STRN: variants seen among roughly 807,000 people sequenced by gnomAD.
STRN encodes protein phosphatase 2 regulatory subunit B'''alpha.
Under a neutral mutation model 96.3 loss-of-function variants are expected in STRN, and 53 were observed. That is an observed-to-expected ratio of 0.55 (90% CI 0.44 to 0.69). The LOEUF (loss-of-function observed/expected upper bound fraction) is 0.69. Ranked by LOEUF, STRN falls within the 30% of genes least tolerant of loss-of-function variation. The pLI is 0.00. For synonymous variants in STRN, 428 were observed against 355.9 expected (o/e 1.20, Z -2.28); for missense variants, 987 against 963.9 (o/e 1.02, Z -0.32).
chr2:36,920,197 A>C (rs1670214277), intron 2 of STRN, among the ~76,000 whole-genome samples: 1 of 152,234 alleles, frequency 6.6e-6, no homozygotes, highest in East Asian at 1.9e-4. Context: ...TTTCTCTATG[A>C]GTATATTTCA....
intron 12 of STRN, among the ~76,000 whole-genome samples, chr2:36,863,161 A>G (rs1668536438): frequency 1.3e-5 from 2 of 151,592 alleles, no homozygotes; most frequent in Admixed American, 6.6e-5. Flanking sequence ...TGTGTGCAGA[A>G]GCTCTTCAGT....
chr2:36,913,941 G>A (rs926100847), intron 3 of STRN, among the ~76,000 whole-genome samples: 4 of 152,094 alleles, frequency 2.6e-5, no homozygotes, highest in Non-Finnish European at 5.9e-5. Context: ...TGCTTTTAAA[G>A]CGCAAGCCCC....
chr2:36,938,007 C>T (rs1314805031), intron 1 of STRN, among the ~76,000 whole-genome samples: 1 of 152,088 alleles, frequency 6.6e-6, no homozygotes, highest in Non-Finnish European at 1.5e-5. Flanking sequence ...AGGCCATGAA[C>T]ATGGCAATGA....
At chr2:36,957,748 T>C (rs1415576114) in intron 1 of STRN, among the ~76,000 whole-genome samples, 1 of 75,850 alleles carries the variant, frequency 1.3e-5, no homozygotes, top group Non-Finnish European at 2.6e-5. Context: ...TTTTGTCTTT[T>C]TTTTTTTTTT....
rs977839391 is a variant in STRN at position 36,846,801 on chromosome 2, T to C, written c.*2655A>G. On this transcript the variant is annotated 3_prime_UTR_variant, in exon 18 of 18. Transcript: ENST00000263918. Reference sequence around the variant, plus strand: ...GTAGCAAATGAGCTCCATATGACAGTTGAGTTTTGAGAAGGGTGCTGCAAG... The same window carrying C: ...GTAGCAAATGAGCTCCATATGACAGCTGAGTTTTGAGAAGGGTGCTGCAAG... The C allele has an allele frequency of 1.2e-4, 18 of 151,976 alleles. No individual in the cohort carries two copies. Among genetic ancestry groups the C allele is most frequent in the South Asian group, 2.1e-4 (1 of 4,814 alleles). The allele number at this position is 151,976 out of a possible 1,614,324, so 9.4% of individuals were successfully genotyped here.
chr2:36,884,224 G>C (rs1001605221), intron 8 of STRN, 149 bp from the exon 9 acceptor site: 30 of 778,240 alleles, frequency 3.9e-5, no homozygotes, highest in Middle Eastern at 4.2e-4. Context: ...TTATTTTCAA[G>C]TTTTCAAATT....
chr2:36,899,016 C>G (rs11676225), intron 6 of STRN, among the ~76,000 whole-genome samples: 9,352 of 152,184 alleles, frequency 0.061, 500 homozygotes, highest in African/African-American at 0.14. Flanking sequence ...TTCCAAGAAC[C>G]TGCCATGGGA....
chr2:36,883,050 T>C (rs1669115968), intron 9 of STRN, among the ~76,000 whole-genome samples: 1 of 152,174 alleles, frequency 6.6e-6, no homozygotes, highest in Non-Finnish European at 1.5e-5. Context: ...CTTAAAATTA[T>C]CATTATGAAA....
chr2:36,875,298 C>T (rs567534347), intron 10 of STRN, among the ~76,000 whole-genome samples: 3 of 151,960 alleles, frequency 2.0e-5, no homozygotes, highest in African/African-American at 7.2e-5. Context: ...CTGCTTGAGC[C>T]CAGCAGTTCA....
chr2:36,957,753 T>TTG (rs1553407243), intron 1 of STRN, among the ~76,000 whole-genome samples: 7 of 95,876 alleles, frequency 7.3e-5, no homozygotes, highest in Admixed American at 2.8e-4. Flanking sequence ...TCTTTTTTTT[T>TTG]TTTTTTTTTT....
intron 1 of STRN, among the ~76,000 whole-genome samples, chr2:36,947,495 T>C (rs1664609216): frequency 6.6e-6 from 1 of 150,420 alleles, no homozygotes; most frequent in South Asian, 2.1e-4. Flanking sequence ...CCTACCTTTA[T>C]TACAAAAAAA....
rs912097147 is a variant in STRN, at chr2:36,954,350, A to C, written c.234+11880T>G. Among the ~76,000 whole-genome samples the C allele has an allele frequency of 2.0e-5, 3 of 151,994 alleles. No homozygotes were observed. The East Asian group carries it at 5.9e-4, about 30-fold the overall frequency. On this transcript the variant is annotated intron_variant, in intron 1 of 17. Coordinates refer to ENST00000263918, the MANE Select transcript of STRN (RefSeq NM_003162.4). ...ATATGGCAAAACCCTGTCTCTACTA[A>C]AAATACAAAAAATTAATTAGGTGTG...
chr2:36,932,837 C>T (rs536221058), intron 1 of STRN, among the ~76,000 whole-genome samples: 1 of 152,214 alleles, frequency 6.6e-6, no homozygotes, highest in East Asian at 1.9e-4. Context: ...CCCTCAACTG[C>T]CCAAATTCTC....
At chr2:36,909,391 T>C (rs1212038685) in intron 3 of STRN, among the ~76,000 whole-genome samples, 5 of 152,110 alleles carry the variant, frequency 3.3e-5, no homozygotes, top group Admixed American at 2.0e-4. Context: ...TTGACTGCTA[T>C]TTCCTGTCAA....
intron 1 of STRN, among the ~76,000 whole-genome samples, chr2:36,940,508 A>C (rs1670818007): frequency 6.6e-6 from 1 of 152,054 alleles, no homozygotes; most frequent in Non-Finnish European, 1.5e-5. Flanking sequence ...TTTTCTGTAA[A>C]TCTGAAAACA....
intron 1 of STRN, among the ~76,000 whole-genome samples, chr2:36,947,068 T>C (rs947333781): frequency 6.6e-6 from 1 of 152,042 alleles, no homozygotes; most frequent in Non-Finnish European, 1.5e-5. Context: ...GCTAATTTTT[T>C]TGTATTTTTA....
chr2:36,877,727 C>T (rs984736406), intron 10 of STRN, among the ~76,000 whole-genome samples, 164 bp downstream of exon 10: 6 of 152,072 alleles, frequency 3.9e-5, no homozygotes, highest in African/African-American at 1.2e-4. Context: ...TGTGAGACAG[C>T]GTTTCTCAAT....
At chr2:36,896,797 C>T (rs1376609227) in intron 6 of STRN, among the ~76,000 whole-genome samples, 29 of 152,172 alleles carry the variant, frequency 1.9e-4, no homozygotes, top group Admixed American at 1.8e-3. Context: ...AAACTGATCA[C>T]TTTTTACATG....
rs111268384 is a variant in STRN, at chr2:36,899,428, G to C, written c.795+95C>G. The C allele has an allele frequency of 6.9e-6, 8 of 1,151,866 alleles. No individual in the cohort carries two copies. The East Asian group carries it at 2.1e-4, about 31-fold the overall frequency. The allele number at this position is 1,151,866 out of a possible 1,614,324, so 71.4% of individuals were successfully genotyped here. On this transcript the variant is annotated intron_variant, in intron 6 of 17. Transcript: ENST00000263918. The stretch of plus-strand genomic sequence containing the variant: ...AAATTCATGAAAAAGAAAAAGCTAC[G>C]GGTTAAGATTAAAGAACATGGATTC...
Sources: allele counts gnomAD v4.1 joint callset (sites outside exome capture counted in the v4.1 genomes callset), GRCh38; gene constraint gnomAD v4.1.1; transcripts MANE v1.5; gene names NCBI Gene and HGNC (gene_info 2026-07-23, HGNC 2026-07-21).